Variants in GLYR1 observed in about 807,000 individuals in gnomAD.
GLYR1 encodes cytokine-like nuclear factor N-PAC.
In GLYR1, 21 loss-of-function variants were observed where a neutral mutation model predicts 72.7. The ratio of observed to expected loss-of-function variants is 0.29; its 90% confidence interval spans 0.20 to 0.42. GLYR1 has a LOEUF of 0.42. Ranked by LOEUF, GLYR1 falls within the 10% of genes least tolerant of loss-of-function variation. The probability of loss-of-function intolerance (pLI) is 1.00; values close to 1 mark genes in which losing one functional copy is unlikely to be tolerated. For synonymous variants in GLYR1, 392 were observed against 270.2 expected, an observed-to-expected ratio of 1.45 and a Z score of -4.42; for missense variants, 594 against 712.1, an observed-to-expected ratio of 0.83 and a Z score of 1.89.
chr16:4,813,376 A>G (rs1319594170), intron 12 of GLYR1, among the ~76,000 whole-genome samples: 2 of 152,160 alleles, frequency 1.3e-5, no homozygotes, highest in African/African-American at 4.8e-5. Flanking sequence ...TGTGGGTCCC[A>G]AAGTCCCCAC....
rs549660050 is a variant in GLYR1, at chr16:4,803,665, A to C, written c.*1571T>G. Reference sequence around the variant, plus strand: ...AATCCCAGTGAAATGAACTGTGCTAAAAACCCGACAGGCATCTTCCCTGCC... The same window carrying C: ...AATCCCAGTGAAATGAACTGTGCTACAAACCCGACAGGCATCTTCCCTGCC... On this transcript the variant is annotated 3_prime_UTR_variant, in exon 16 of 16. Transcript: ENST00000321919. 6.6e-6 allele frequency: 1 copy of C among 152,104 alleles called. No homozygotes were observed. Among genetic ancestry groups the C allele is most frequent in the South Asian group, 2.1e-4 (1 of 4,792 alleles). The allele number at this position is 152,104 out of a possible 1,614,324, so 9.4% of individuals were successfully genotyped here. A position where few individuals can be genotyped will look rare whatever the true frequency, so the allele number is the denominator to read the frequency against.
At chr16:4,823,464 G>C (rs2084172137) in intron 6 of GLYR1, among the ~76,000 whole-genome samples, 1 of 152,120 alleles carries the variant, frequency 6.6e-6, no homozygotes, top group South Asian at 2.1e-4. Context: ...CATAAAAGTT[G>C]TATTTATGGA....
At chr16:4,827,032 T>C (rs1027617078) in intron 5 of GLYR1, among the ~76,000 whole-genome samples, 1 of 152,138 alleles carries the variant, frequency 6.6e-6, no homozygotes, top group Admixed American at 6.5e-5. Context: ...GTGCCCAGAG[T>C]TCATCCCCAG....
chr16:4,812,435 G>A (rs1278289507), intron 12 of GLYR1, among the ~76,000 whole-genome samples, 187 bp from the exon 13 acceptor site: 1 of 152,082 alleles, frequency 6.6e-6, no homozygotes, highest in Non-Finnish European at 1.5e-5. Context: ...AGGTCACACA[G>A]GCCGAATCAC....
In GLYR1 at chr16:4,804,933, C is replaced by CTGTGTGTGTGTGTGTGTG. The variant is rs143624351; in HGVS notation, c.*285_*302dup. 328 of 297,490 alleles carry CTGTGTGTGTGTGTGTGTG rather than the reference C, an allele frequency of 1.1e-3. 2 individuals are homozygous for CTGTGTGTGTGTGTGTGTG. Among genetic ancestry groups the CTGTGTGTGTGTGTGTGTG allele is most frequent in the African/African-American group, 1.7e-3 (79 of 46,228 alleles). 18.4% of individuals were successfully genotyped at this position (297,490 alleles called of 1,614,324 possible). ...GCAGCTTCTATCCTGGGGCGAGAGC[C>CTGTGTGTGTGTGTGTGTG]TGTGTGTGTGTGTGTGTGTGTGTGT... On this transcript the variant is annotated 3_prime_UTR_variant, in exon 16 of 16. Coordinates refer to ENST00000321919, the MANE Select transcript of GLYR1 (RefSeq NM_032569.4).
chr16:4,843,737 C>T, intron 3 of GLYR1: 2 of 898,428 alleles, frequency 2.2e-6, no homozygotes, highest in Non-Finnish European at 3.0e-6. Flanking sequence ...AAGCCACAGA[C>T]ATTTTTTTCA....
At chr16:4,835,096 G>C (rs542961893) in intron 3 of GLYR1, among the ~76,000 whole-genome samples, 1 of 152,098 alleles carries the variant, frequency 6.6e-6, no homozygotes, top group Admixed American at 6.6e-5. Context: ...AACCACACAA[G>C]TTCCCAATAT....
chr16:4,829,816 G>T (rs994903630), intron 5 of GLYR1, among the ~76,000 whole-genome samples: 1 of 152,144 alleles, frequency 6.6e-6, no homozygotes, highest in African/African-American at 2.4e-5. Flanking sequence ...GGAATTACAG[G>T]AGCGTGCCAC....
chr16:4,826,485 C>T (rs373881684), intron 5 of GLYR1, among the ~76,000 whole-genome samples: 8 of 152,218 alleles, frequency 5.3e-5, no homozygotes, highest in African/African-American at 1.9e-4. Flanking sequence ...GTCTGGCCTA[C>T]TCTACAACCC....
intron 5 of GLYR1, among the ~76,000 whole-genome samples, chr16:4,826,155 T>C (rs1257075678): frequency 6.6e-6 from 1 of 151,200 alleles, no homozygotes; most frequent in Admixed American, 6.6e-5. Flanking sequence ...TCAAGTGATC[T>C]TCCCACCTCA....
chr16:4,823,925 G>A lies in GLYR1; in HGVS notation c.538-18C>T. On this transcript the variant is annotated intron_variant, in intron 5 of 15. Coordinates refer to ENST00000321919, the MANE Select transcript of GLYR1 (RefSeq NM_032569.4). ...GTGAGATCCTATAGAGGGAGGGGCA[G>A]GGCATTTTAAAATCACATTCAAACC... 6.2e-7 allele frequency: 1 copy of A among 1,602,850 alleles called. No individual in the cohort carries two copies. Among genetic ancestry groups the A allele is most frequent in the South Asian group, 1.1e-5 (1 of 90,784 alleles).
At chr16:4,836,153 C>G (rs73517007) in intron 3 of GLYR1, among the ~76,000 whole-genome samples, 3,101 of 152,180 alleles carry the variant, frequency 0.02, 97 homozygotes, top group African/African-American at 0.07. Flanking sequence ...CAACAATGCA[C>G]CACTGTCTAA....
chr16:4,841,173 G>A (rs914511304), intron 3 of GLYR1, among the ~76,000 whole-genome samples: 2 of 152,044 alleles, frequency 1.3e-5, no homozygotes, highest in African/African-American at 4.8e-5. Context: ...CACCATCCAG[G>A]CTATTTTTGT....
chr16:4,841,895 C>T (rs1292348712), intron 3 of GLYR1, among the ~76,000 whole-genome samples: 1 of 152,190 alleles, frequency 6.6e-6, no homozygotes, highest in African/African-American at 2.4e-5. Context: ...GTCTGAAATG[C>T]CCCTATAGTC....
chr16:4,832,807 T>C lies in GLYR1; in HGVS notation c.261A>G (p.Glu87=). 1 of 1,613,398 alleles carries C rather than the reference T, an allele frequency of 6.2e-7. No homozygotes were observed. The highest frequency in any genetic ancestry group is 8.5e-7 in the Non-Finnish European group (1 of 1,179,678). The change falls in exon 4 of 16, where the codon GAA becomes GAG. Residue 87 remains glutamate (E), a synonymous_variant. Transcript: ENST00000321919. ...KRFQQAVDAV[E]EFLRRAKGKD... ...TCCCTTTGGCTCTCCTGAGGAACTC[T>C]TCGACAGCATCTACCGCTTGCTGGA...
chr16:4,830,925 C>G (rs1049644039), intron 5 of GLYR1, among the ~76,000 whole-genome samples: 1 of 152,152 alleles, frequency 6.6e-6, no homozygotes, highest in Non-Finnish European at 1.5e-5. Context: ...CCGGACTCAA[C>G]TACCCTTTTA....
At chr16:4,813,910 A>G in intron 11 of GLYR1, 72 bp from the exon 12 acceptor site, 1 of 1,150,442 alleles carries the variant, frequency 8.7e-7, no homozygotes, top group Non-Finnish European at 1.2e-6. Context: ...CAGACCTCAG[A>G]TCAGAATCCT....
At chr16:4,826,618 G>C (rs191780330) in intron 5 of GLYR1, among the ~76,000 whole-genome samples, 6 of 152,322 alleles carry the variant, frequency 3.9e-5, no homozygotes, top group Admixed American at 3.3e-4. Flanking sequence ...TGAATGCAGA[G>C]GTTTTTGGGG....
chr16:4,834,298 T>TG (rs1264926193), intron 3 of GLYR1, among the ~76,000 whole-genome samples: 24 of 145,216 alleles, frequency 1.7e-4, no homozygotes, highest in African/African-American at 6.3e-4. Context: ...CAAATTCCTT[T>TG]TTTTTTTTTT....
Sources: gnomAD v4.1 joint callset for allele counts (sites outside exome capture counted in the v4.1 genomes callset) on GRCh38, gnomAD v4.1.1 for gene constraint, MANE v1.5 for transcripts, NCBI Gene and HGNC (gene_info 2026-07-23, HGNC 2026-07-21) for gene names.